Variants in DPP10 observed in about 807,000 individuals in gnomAD.
DPP10 encodes inactive dipeptidyl peptidase 10.
In DPP10, 33 loss-of-function variants were observed where a neutral mutation model predicts 120.9. That is an observed-to-expected ratio of 0.27 (90% confidence interval 0.21 to 0.37). The LOEUF is 0.37. Ranked by LOEUF, DPP10 falls within the 10% of genes least tolerant of loss-of-function variation. The probability of loss-of-function intolerance (pLI) is 1.00; values close to 1 mark genes in which losing one functional copy is unlikely to be tolerated. For synonymous variants in DPP10, 337 were observed against 326.1 expected, an observed-to-expected ratio of 1.03 and a Z score of -0.36; for missense variants, 816 against 942.8, an observed-to-expected ratio of 0.87 and a Z score of 1.76.
At chr2:114,824,734 A>C (rs1340422761) in intron 1 of DPP10, among the ~76,000 whole-genome samples, 1 of 152,212 alleles carries the variant, frequency 6.6e-6, no homozygotes, top group African/African-American at 2.4e-5. Flanking sequence ...TTAATTGATT[A>C]AAAAGTGAAT....
At chr2:115,337,683 A>AC (rs2063224834) in intron 2 of DPP10, among the ~76,000 whole-genome samples, 1 of 150,900 alleles carries the variant, frequency 6.6e-6, no homozygotes, top group African/African-American at 2.4e-5. Flanking sequence ...AAAAAAAAAA[A>AC]AAAAGATAGA....
At position 115,635,316 on chromosome 2, in the gene DPP10, G is replaced by A. The variant is rs185517277; in HGVS notation, c.442-54371G>A. Among the ~76,000 whole-genome samples, 3 of 152,274 alleles carry A rather than the reference G, an allele frequency of 2.0e-5. No homozygotes were observed. The East Asian group carries it at 5.8e-4, about 30-fold the overall frequency. On this transcript the variant is annotated intron_variant, in intron 5 of 25. Coordinates refer to ENST00000410059, the MANE Select transcript of DPP10 (RefSeq NM_020868.6). ...CACAACTCTGCGGTTCAGACCCAAG[G>A]CTCTGGTGGCGTGGGCTGACAAGGG...
chr2:115,458,785 A>G (rs843418), intron 3 of DPP10, among the ~76,000 whole-genome samples: 125,911 of 152,104 alleles, frequency 0.83, 55,172 homozygotes, highest in Non-Finnish European at 0.97. Flanking sequence ...TGTACTTTGA[A>G]TGTACAGTGT....
chr2:115,598,000 C>T (rs1387921830), intron 5 of DPP10, among the ~76,000 whole-genome samples: 2 of 151,930 alleles, frequency 1.3e-5, no homozygotes, highest in African/African-American at 4.8e-5. Context: ...TCCCTTTTAT[C>T]ATTATGAAAT....
chr2:115,258,869 A>G (rs1024199180), intron 1 of DPP10, among the ~76,000 whole-genome samples: 1 of 152,186 alleles, frequency 6.6e-6, no homozygotes, highest in African/African-American at 2.4e-5. Context: ...AGCCTGGGCA[A>G]CAGAGTGAGG....
intron 1 of DPP10, among the ~76,000 whole-genome samples, chr2:115,277,263 A>G (rs892632293): frequency 7.2e-5 from 11 of 152,178 alleles, no homozygotes; most frequent in Admixed American, 1.3e-4. Flanking sequence ...TTACCATTTC[A>G]GAAAGTCCAG....
At chr2:115,188,056 A>G (rs903099221) in intron 1 of DPP10, among the ~76,000 whole-genome samples, 3 of 136,606 alleles carry the variant, frequency 2.2e-5, no homozygotes, top group African/African-American at 8.8e-5. Flanking sequence ...GGAGAGAGAG[A>G]GGCAAAGAGA....
chr2:115,018,938 C>T (rs1702867937), intron 1 of DPP10, among the ~76,000 whole-genome samples: 1 of 152,056 alleles, frequency 6.6e-6, no homozygotes, highest in Non-Finnish European at 1.5e-5. Context: ...AGCAGCCCCA[C>T]TTCTGCCGCT....
At chr2:115,330,332 T>G (rs1193829808) in intron 2 of DPP10, among the ~76,000 whole-genome samples, 24 of 152,104 alleles carry the variant, frequency 1.6e-4, no homozygotes, top group Non-Finnish European at 2.6e-4. Context: ...TTCTGGATAT[T>G]AGCCCTTTGT....
intron 7 of DPP10, among the ~76,000 whole-genome samples, chr2:115,700,408 A>G (rs2091835513): frequency 6.6e-6 from 1 of 152,130 alleles, no homozygotes; most frequent in Non-Finnish European, 1.5e-5. Context: ...AAAAACAACA[A>G]ACTAGAAATA....
intron 11 of DPP10, among the ~76,000 whole-genome samples, chr2:115,759,398 A>T (rs556616194): frequency 1.8e-4 from 27 of 148,212 alleles, no homozygotes; most frequent in South Asian, 6.4e-4. Flanking sequence ...TTTCTATATA[A>T]AAAAAAAAAA....
intron 3 of DPP10, among the ~76,000 whole-genome samples, chr2:115,447,013 A>G (rs2072662911): frequency 6.6e-6 from 1 of 152,204 alleles, no homozygotes; most frequent in East Asian, 1.9e-4. Flanking sequence ...GCACCTGGAA[A>G]AGCTACAGGC....
chr2:115,045,492 T>C (rs962288217), intron 1 of DPP10, among the ~76,000 whole-genome samples: 25 of 152,224 alleles, frequency 1.6e-4, no homozygotes, highest in Non-Finnish European at 2.6e-4. Context: ...ATTATTTCTT[T>C]GAATAAACTT....
chr2:114,764,227 T>C (rs1680516103), intron 1 of DPP10, among the ~76,000 whole-genome samples: 1 of 151,596 alleles, frequency 6.6e-6, no homozygotes, highest in Non-Finnish European at 1.5e-5. Context: ...TATACTGCAG[T>C]GCTTGACATA....
chr2:115,359,624 G>A (rs964894341), intron 3 of DPP10, among the ~76,000 whole-genome samples: 1 of 151,988 alleles, frequency 6.6e-6, no homozygotes, highest in Non-Finnish European at 1.5e-5. Context: ...ATATCTCATA[G>A]GGGCTCAACA....
intron 1 of DPP10, among the ~76,000 whole-genome samples, chr2:114,716,543 A>G (rs1325359547): frequency 1.3e-5 from 2 of 152,222 alleles, no homozygotes; most frequent in Non-Finnish European, 2.9e-5. Flanking sequence ...CAAGAAGGAA[A>G]GTAGACCACA....
At chr2:115,833,375 A>C (rs964338008) in intron 21 of DPP10, among the ~76,000 whole-genome samples, 6 of 152,186 alleles carry the variant, frequency 3.9e-5, no homozygotes, top group African/African-American at 1.4e-4. Context: ...CACTATGGGA[A>C]GAGTCTTGCC....
intron 17 of DPP10, among the ~76,000 whole-genome samples, chr2:115,788,809 C>A (rs1362285611): frequency 6.6e-6 from 1 of 152,126 alleles, no homozygotes; most frequent in East Asian, 1.9e-4. Flanking sequence ...CAAGTTTACA[C>A]AAACTCTTTT....
At chr2:114,454,545 G>C (rs1293098722) in intron 1 of DPP10, among the ~76,000 whole-genome samples, 1 of 152,152 alleles carries the variant, frequency 6.6e-6, no homozygotes, top group Non-Finnish European at 1.5e-5. Context: ...TAAGGAACTA[G>C]TTTTTGTTAC....
Sources: gnomAD v4.1 joint callset for allele counts (sites outside exome capture counted in the v4.1 genomes callset) on GRCh38, gnomAD v4.1.1 for gene constraint, MANE v1.5 for transcripts, NCBI Gene and HGNC (gene_info 2026-07-23, HGNC 2026-07-21) for gene names.